Variants in NOMO1 observed in about 807,000 individuals in gnomAD.
NOMO1 encodes NODAL modulator 1, also known as nodal modulator 3.
A neutral mutation model predicts 133.8 loss-of-function variants in NOMO1; 40 were observed. The observed-to-expected ratio is 0.30, with a 90% CI of 0.23 to 0.39. NOMO1 has a LOEUF of 0.39. Ranked by LOEUF, NOMO1 falls within the 10% of genes least tolerant of loss-of-function variation. The pLI, the probability that NOMO1 is intolerant of heterozygous loss-of-function variation, is 1.00. For missense variants in NOMO1, 462 were observed against 1,419.9 expected (o/e 0.33, Z 10.84); for synonymous variants, 236 against 570.5 (o/e 0.41, Z 8.36).
At chr16:14,836,433 C>T (rs1312823405) in intron 1 of NOMO1, among the ~76,000 whole-genome samples, 2 of 152,034 alleles carry the variant, frequency 1.3e-5, no homozygotes, top group South Asian at 4.1e-4. Context: ...TGGTGAGATT[C>T]GACTGTTTCA....
intron 11 of NOMO1, among the ~76,000 whole-genome samples, chr16:14,862,046 CA>C (rs1963929391): frequency 6.6e-6 from 1 of 151,606 alleles, no homozygotes; most frequent in Non-Finnish European, 1.5e-5. Flanking sequence ...AATCTTCCAC[CA>C]TTTCCTTGTG....
At chr16:14,842,076 T>G (rs1231276104) in intron 3 of NOMO1, among the ~76,000 whole-genome samples, 1 of 152,002 alleles carries the variant, frequency 6.6e-6, no homozygotes, top group Non-Finnish European at 1.5e-5. Context: ...AGCTCCAAAC[T>G]TTCCTCATAT....
At chr16:14,856,919 C>G (rs2606825) in intron 9 of NOMO1, among the ~76,000 whole-genome samples, 1 of 149,174 alleles carries the variant, frequency 6.7e-6, no homozygotes, top group Admixed American at 6.6e-5. Context: ...GAGATGGCAC[C>G]GGGGTAAGGG....
At chr16:14,871,493 A>C in intron 16 of NOMO1, 128 bp from the exon 17 acceptor site, 1 of 924,054 alleles carries the variant, frequency 1.1e-6, no homozygotes, top group Non-Finnish European at 1.6e-6. Flanking sequence ...TTCTGATCCC[A>C]TTATTGCAGA....
At chr16:14,857,111 G>A (rs1254968760) in intron 9 of NOMO1, 106 bp from the exon 10 acceptor site, 39 of 1,457,654 alleles carry the variant, frequency 2.7e-5, no homozygotes, top group African/African-American at 1.4e-4. Context: ...GGAGGTGGGC[G>A]GCAGGAGCAG....
chr16:14,881,405 C>T (rs1477925781), intron 24 of NOMO1, 139 bp from the exon 25 acceptor site: 22 of 1,593,084 alleles, frequency 1.4e-5, no homozygotes, highest in Non-Finnish European at 1.7e-5. Context: ...GTGGGCCGGC[C>T]ACACTGAGTT....
At chr16:14,841,664 A>G (rs1963605519) in intron 3 of NOMO1, among the ~76,000 whole-genome samples, 1 of 150,124 alleles carries the variant, frequency 6.7e-6, no homozygotes, top group Admixed American at 6.7e-5. Context: ...CTTCCCTTGC[A>G]GTTTCACTCA....
intron 22 of NOMO1, among the ~76,000 whole-genome samples, chr16:14,878,487 C>T (rs1964191308): frequency 1.0e-5 from 1 of 100,084 alleles, no homozygotes; most frequent in Non-Finnish European, 1.9e-5. Context: ...GAGCAAGACC[C>T]TGTCTCAAAA....
chr16:14,881,128 A>T (rs1048413931), intron 24 of NOMO1, among the ~76,000 whole-genome samples: 4 of 152,146 alleles, frequency 2.6e-5, no homozygotes, highest in African/African-American at 9.7e-5. Flanking sequence ...TATTTTTTGT[A>T]GACTTATACA....
Position 14,895,812 on chromosome 16 carries a change from T to TC in NOMO1, c.*168dup. On this transcript the variant is annotated 3_prime_UTR_variant, in exon 31 of 31. Coordinates refer to ENST00000287667, the MANE Select transcript of NOMO1 (RefSeq NM_014287.4). ...TCACTGTGGCATCCTGCACCCATCCTCACCCCTCCGTAGAGCCCCTCGTGC... is the reference window on the plus strand; with the variant it reads ...TCACTGTGGCATCCTGCACCCATCCTCCACCCCTCCGTAGAGCCCCTCGTGC... 1 of 1,577,604 alleles carries TC rather than the reference T, an allele frequency of 6.3e-7. No individual in the cohort carries two copies.
At chr16:14,861,001 A>G (rs1963916642) in intron 11 of NOMO1, among the ~76,000 whole-genome samples, 1 of 139,826 alleles carries the variant, frequency 7.2e-6, no homozygotes, top group Admixed American at 7.3e-5. Flanking sequence ...ATTACAGGCT[A>G]ATTTTTATAT....
At chr16:14,892,121 C>T (rs1279489923) in intron 29 of NOMO1, among the ~76,000 whole-genome samples, 1 of 151,624 alleles carries the variant, frequency 6.6e-6, no homozygotes, top group African/African-American at 2.4e-5. Flanking sequence ...GTAGCACGCA[C>T]CTGTAATCCC....
At chr16:14,885,657 T>G in intron 27 of NOMO1, among the ~76,000 whole-genome samples, 2 of 142,722 alleles carry the variant, frequency 1.4e-5, no homozygotes, top group Admixed American at 7.1e-5. Flanking sequence ...GAGGGTTGGG[T>G]AGGGTGGGGG....
intron 11 of NOMO1, among the ~76,000 whole-genome samples, chr16:14,860,795 A>C (rs1963912900): frequency 6.6e-6 from 1 of 152,054 alleles, no homozygotes; most frequent in Non-Finnish European, 1.5e-5. Context: ...TCTGTTTTTT[A>C]ATTGGCCGAC....
chr16:14,867,149 GATAT>G (rs1171568936), intron 15 of NOMO1, among the ~76,000 whole-genome samples: 216 of 17,262 alleles, frequency 0.013, 7 homozygotes, highest in Admixed American at 0.017. Flanking sequence ...GAGTTTCTCT[GATAT>G]ATATATATAT....
At chr16:14,840,754 T>C (rs1963593951) in intron 2 of NOMO1, among the ~76,000 whole-genome samples, 1 of 146,116 alleles carries the variant, frequency 6.8e-6, no homozygotes, top group Non-Finnish European at 1.5e-5. Context: ...ACTGACCTCC[T>C]GGGCTCAAGT....
rs150296833 is a variant in NOMO1, at chr16:14,857,264, C to G, written c.1011C>G (p.Asn337Lys). The change falls in exon 10 of 31, where the codon AAC (asparagine) becomes AAG (lysine). Residue 337 changes from asparagine (N) to lysine (K), a missense_variant. Coordinates refer to ENST00000287667, the MANE Select transcript of NOMO1 (RefSeq NM_014287.4). ...TCTCCGTCACCGGGAGGGTCTTGAA[C>G]GGACCCGAAGGAGATGGTGTTCCAG... ...MGFSVTGRVL[N>K]GPEGDGVPEA... The G allele has an allele frequency of 6.2e-7, 1 of 1,604,240 alleles. No individual in the cohort carries two copies. The highest frequency in any genetic ancestry group is 1.4e-5 in the African/African-American group (1 of 73,290).
chr16:14,846,573 GC>G lies in NOMO1; in HGVS notation c.403-3del. 5.4e-6 allele frequency: 5 copies of G among 923,592 alleles called. No homozygotes were observed. Among genetic ancestry groups the G allele is most frequent in the Non-Finnish European group, 8.1e-6 (5 of 616,276 alleles). The allele number at this position is 923,592 out of a possible 1,614,324, so 57.2% of individuals were successfully genotyped here. A position where few individuals can be genotyped will look rare whatever the true frequency, so the allele number is the denominator to read the frequency against. Reference sequence around the variant, plus strand: ...GTGGGCCCTAACTTTCTTCTCCATGGCAGGTCCTCAGCAAAGGGCAGCCCCT... The same window carrying G: ...GTGGGCCCTAACTTTCTTCTCCATGGAGGTCCTCAGCAAAGGGCAGCCCCT... On this transcript the variant is annotated splice_region_variant and splice_polypyrimidine_tract_variant and intron_variant, in intron 4 of 30. Coordinates refer to ENST00000287667, the MANE Select transcript of NOMO1 (RefSeq NM_014287.4).
At chr16:14,885,591 T>C (rs1486316606) in intron 27 of NOMO1, among the ~76,000 whole-genome samples, 55 of 146,454 alleles carry the variant, frequency 3.8e-4, no homozygotes, top group East Asian at 1.0e-3. Flanking sequence ...TCCACTCTGT[T>C]CAGGGCTTGC....
Sources: gnomAD v4.1 joint callset for allele counts (sites outside exome capture counted in the v4.1 genomes callset) on GRCh38, gnomAD v4.1.1 for gene constraint, MANE v1.5 for transcripts, NCBI Gene and HGNC (gene_info 2026-07-23, HGNC 2026-07-21) for gene names.